Variants in XYLT1 observed in about 807,000 individuals in gnomAD.
XYLT1 encodes beta-D-xylosyltransferase 1.
A neutral mutation model predicts 91.3 loss-of-function variants in XYLT1; 36 were observed. The observed-to-expected ratio is 0.39, with a 90% confidence interval of 0.30 to 0.52. The LOEUF (loss-of-function observed/expected upper bound fraction) is 0.52. Ranked by LOEUF, XYLT1 falls within the 20% of genes least tolerant of loss-of-function variation. The pLI, the probability that XYLT1 is intolerant of heterozygous loss-of-function variation, is 0.68. For synonymous variants in XYLT1, 588 were observed against 532.0 expected (o/e 1.11, Z -1.45); for missense variants, 1,242 against 1,284.5 (o/e 0.97, Z 0.51).
At chr16:17,283,899 C>T (rs76428418) in intron 2 of XYLT1, among the ~76,000 whole-genome samples, 3,736 of 152,272 alleles carry the variant, frequency 0.025, 72 homozygotes, top group Middle Eastern at 0.068. Context: ...GTCTCACCAA[C>T]TTCATCTTCT....
At chr16:17,328,229 T>G (rs2034842018) in intron 2 of XYLT1, among the ~76,000 whole-genome samples, 1 of 152,112 alleles carries the variant, frequency 6.6e-6, no homozygotes. Flanking sequence ...CAGGGCCAGC[T>G]GATTGTCACA....
intron 2 of XYLT1, among the ~76,000 whole-genome samples, chr16:17,297,667 G>A (rs1225428479): frequency 6.6e-6 from 1 of 152,130 alleles, no homozygotes; most frequent in African/African-American, 2.4e-5. Flanking sequence ...AGGCTGCAGT[G>A]AGCCATGATC....
chr16:17,266,552 T>C (rs1198330635), intron 2 of XYLT1, among the ~76,000 whole-genome samples: 1 of 152,154 alleles, frequency 6.6e-6, no homozygotes, highest in African/African-American at 2.4e-5. Flanking sequence ...CCAGGCTGTC[T>C]AGGTCTGGAG....
chr16:17,226,820 T>C (rs1004150773), intron 3 of XYLT1, among the ~76,000 whole-genome samples: 1 of 152,136 alleles, frequency 6.6e-6, no homozygotes, highest in Non-Finnish European at 1.5e-5. Flanking sequence ...TTGCCAAATG[T>C]CCCTGGAAAA....
chr16:17,212,690 G>A (rs2141600567), intron 3 of XYLT1, among the ~76,000 whole-genome samples: 1 of 152,226 alleles, frequency 6.6e-6, no homozygotes, highest in Admixed American at 6.5e-5. Context: ...CAAGTCTGGA[G>A]TTATTAAAGA....
chr16:17,248,249 C>G (rs898950953), intron 3 of XYLT1, among the ~76,000 whole-genome samples: 4 of 152,140 alleles, frequency 2.6e-5, no homozygotes, highest in South Asian at 2.1e-4. Flanking sequence ...TGTCTTTTGC[C>G]TTCCGCCATG....
intron 11 of XYLT1, among the ~76,000 whole-genome samples, chr16:17,114,051 C>G (rs945588351): frequency 1.3e-5 from 2 of 151,472 alleles, no homozygotes; most frequent in Non-Finnish European, 2.9e-5. Flanking sequence ...GAGGGTGGTG[C>G]ACCCCAATGC....
chr16:17,422,665 G>A (rs866930553), intron 1 of XYLT1, among the ~76,000 whole-genome samples: 8 of 151,856 alleles, frequency 5.3e-5, no homozygotes, highest in Admixed American at 1.3e-4. Flanking sequence ...GCAACACCAC[G>A]CCTAACTAAT....
intron 2 of XYLT1, among the ~76,000 whole-genome samples, chr16:17,318,540 C>T (rs2034669695): frequency 6.6e-6 from 1 of 152,222 alleles, no homozygotes; most frequent in South Asian, 2.1e-4. Flanking sequence ...CTGTTTCCCG[C>T]ATGCAAAGAT....
At position 17,145,800 on chromosome 16, in the gene XYLT1, G is replaced by A. The variant is rs530458819; in HGVS notation, c.1371-4431C>T. 2.2e-4 allele frequency among the ~76,000 whole-genome samples: 34 copies of A among 152,348 alleles called. No homozygotes were observed. The South Asian group carries it at 6.8e-3, about 31-fold the overall frequency. On this transcript the variant is annotated intron_variant, in intron 6 of 11. Coordinates refer to ENST00000261381, the MANE Select transcript of XYLT1 (RefSeq NM_022166.4). ...GGCTCCAGACAGGGCAGGTAGCCAG[G>A]GCTGTGGCACAAAAATGCTTCCTCT...
Position 17,425,542 on chromosome 16 carries a change from C to T in XYLT1, c.363+44892G>A, listed in dbSNP as rs1430686970. ...TAGGTAGCAATGTAACATTTTGCTT[C>T]CCAGAAACCAAAGCTCACATTTAAA... On this transcript the variant is annotated intron_variant, in intron 1 of 11. Transcript: ENST00000261381. Among the ~76,000 whole-genome samples, 4 of 152,272 alleles carry T rather than the reference C, an allele frequency of 2.6e-5. No homozygotes were observed. In the East Asian group the frequency reaches 7.7e-4, roughly 29 times the overall value.
chr16:17,124,940 A>G (rs895665658), intron 10 of XYLT1, among the ~76,000 whole-genome samples: 1 of 152,024 alleles, frequency 6.6e-6, no homozygotes, highest in African/African-American at 2.4e-5. Flanking sequence ...CATTTTCAGA[A>G]GTTGTGATTG....
intron 5 of XYLT1, among the ~76,000 whole-genome samples, chr16:17,180,101 A>T (rs563134733): frequency 2.6e-5 from 4 of 152,214 alleles, no homozygotes; most frequent in Non-Finnish European, 5.9e-5. Flanking sequence ...TAGAAGAAGC[A>T]CTTAGCACCT....
At position 17,305,059 on chromosome 16, in the gene XYLT1, T is replaced by C. The variant is rs962216756; in HGVS notation, c.403-45561A>G. On this transcript the variant is annotated intron_variant, in intron 2 of 11. Coordinates refer to ENST00000261381, the MANE Select transcript of XYLT1 (RefSeq NM_022166.4). ...GGTGCCCACTGTGGGCCGGGGGTCA[T>C]GTTTAATTTCACTAACTCCTGATGA... 3.9e-5 allele frequency among the ~76,000 whole-genome samples: 6 copies of C among 152,138 alleles called. No homozygotes were observed. The East Asian group carries it at 9.7e-4, about 24-fold the overall frequency.
intron 8 of XYLT1, among the ~76,000 whole-genome samples, chr16:17,136,225 G>GCGATATGTAC (rs1487989975): frequency 1.3e-5 from 2 of 152,182 alleles, no homozygotes; most frequent in East Asian, 3.8e-4. Context: ...GAGAGGCAAA[G>GCGATATGTAC]CGATATGTAC....
At chr16:17,401,012 AC>A (rs2141901186) in intron 1 of XYLT1, among the ~76,000 whole-genome samples, 1 of 147,386 alleles carries the variant, frequency 6.8e-6, no homozygotes, top group African/African-American at 2.6e-5. Flanking sequence ...ACACACACAC[AC>A]ACCTGTCTAC....
chr16:17,214,702 A>C (rs1404391467), intron 3 of XYLT1, among the ~76,000 whole-genome samples: 1 of 152,232 alleles, frequency 6.6e-6, no homozygotes, highest in Non-Finnish European at 1.5e-5. Context: ...CTCCTGAGAA[A>C]GAAGACAGAT....
At chr16:17,220,781 C>T (rs2032953205) in intron 3 of XYLT1, among the ~76,000 whole-genome samples, 1 of 152,180 alleles carries the variant, frequency 6.6e-6, no homozygotes, top group African/African-American at 2.4e-5. Flanking sequence ...CCTGTGTTAA[C>T]TTCTGATGCT....
At chr16:17,290,488 C>T (rs1345729280) in intron 2 of XYLT1, among the ~76,000 whole-genome samples, 9 of 152,358 alleles carry the variant, frequency 5.9e-5, no homozygotes, top group Non-Finnish European at 1.0e-4. Flanking sequence ...GCCTTACAGG[C>T]AGGGGCCTTC....
Sources: gnomAD v4.1 joint callset for allele counts (sites outside exome capture counted in the v4.1 genomes callset) on GRCh38, gnomAD v4.1.1 for gene constraint, MANE v1.5 for transcripts, NCBI Gene and HGNC (gene_info 2026-07-23, HGNC 2026-07-21) for gene names.